The following CDHR2 variants were observed in gnomAD, a reference collection of about 807,000 sequenced individuals.
The protein encoded by CDHR2 is cadherin related family member 2, also known as cadherin-related family member 2.
Under a neutral mutation model 138.6 loss-of-function variants are expected in CDHR2, and 104 were observed. The observed-to-expected ratio is 0.75, with a 90% CI of 0.64 to 0.88. CDHR2 has a LOEUF of 0.88. Among genes scored for constraint, CDHR2 ranks in the 40% least tolerant of loss-of-function variants. CDHR2 has a pLI of 0.00. For missense variants in CDHR2, 1,624 were observed against 1,727.6 expected, an observed-to-expected ratio of 0.94 and a Z score of 1.06; for synonymous variants, 755 against 742.8, an observed-to-expected ratio of 1.02 and a Z score of -0.27.
intron 1 of CDHR2, among the ~76,000 whole-genome samples, chr5:176,562,318 G>A (rs1432336746): frequency 6.6e-6 from 1 of 151,658 alleles, no homozygotes; most frequent in Non-Finnish European, 1.5e-5. Flanking sequence ...AGTATGGGAT[G>A]GAGAGATGCA....
In CDHR2 at chr5:176,586,952, A is replaced by G. The variant is rs929139942; in HGVS notation, c.2856+110A>G. 23 of 873,544 alleles carry G rather than the reference A, an allele frequency of 2.6e-5. No individual in the cohort carries two copies. In the African/African-American group the frequency reaches 3.2e-4, roughly 12 times the overall value. 54.1% of individuals were successfully genotyped at this position (873,544 alleles called of 1,614,324 possible). On this transcript the variant is annotated intron_variant, in intron 21 of 31. Coordinates refer to ENST00000261944, the MANE Select transcript of CDHR2 (RefSeq NM_017675.6). ...GAAAATATATGGGCTCCAACACATG[A>G]AAAAGAAAACCCCAGAAGGGAAACC...
At chr5:176,564,143 C>T (rs1229944223) in intron 1 of CDHR2, among the ~76,000 whole-genome samples, 2 of 152,168 alleles carry the variant, frequency 1.3e-5, no homozygotes, top group African/African-American at 4.8e-5. Context: ...GGGGGCCCAT[C>T]CTGCTCTCCT....
intron 6 of CDHR2, 86 bp downstream of exon 6, chr5:176,571,388 G>A: frequency 2.1e-6 from 2 of 962,548 alleles, no homozygotes; most frequent in African/African-American, 1.7e-5. Context: ...AGTCAGTGGG[G>A]CATTCAGAGT....
intron 1 of CDHR2, 72 bp from the exon 2 acceptor site, chr5:176,565,266 C>T: frequency 9.0e-7 from 1 of 1,115,882 alleles, no homozygotes; most frequent in East Asian, 2.3e-5. Context: ...CAGGTCAGAC[C>T]CAGGCAGATG....
intron 3 of CDHR2, among the ~76,000 whole-genome samples, chr5:176,568,398 G>A (rs540401810): frequency 1.1e-4 from 17 of 152,364 alleles, no homozygotes; most frequent in African/African-American, 4.1e-4. Context: ...ACGGAAACTC[G>A]GTATTCTGGA....
At chr5:176,554,492 T>TAA (rs1411975229) in intron 1 of CDHR2, among the ~76,000 whole-genome samples, 3 of 152,158 alleles carry the variant, frequency 2.0e-5, no homozygotes, top group African/African-American at 7.2e-5. Context: ...GTTATTATTC[T>TAA]CACAGGGGAG....
At position 176,543,663 on chromosome 5, in the gene CDHR2, G is replaced by C. The variant is rs1757513991; in HGVS notation, c.-16+894G>C. 6.6e-6 allele frequency: 1 copy of C among 152,344 alleles called. No individual in the cohort carries two copies. Among genetic ancestry groups the C allele is most frequent in the South Asian group, 2.1e-4 (1 of 4,828 alleles). The allele number at this position is 152,344 out of a possible 1,614,324, so 9.4% of individuals were successfully genotyped here. On this transcript the variant is annotated intron_variant, in intron 1 of 31. Transcript: ENST00000510636. The surrounding 1 kb of genome is among the most constrained non-coding windows in gnomAD (Gnocchi z 4.0). ...CAATACGACCCCATGGTCGTTCAGA[G>C]AATCTTCGCTTCCCGGAGAGTGTGT...
chr5:176,573,306 G>C (rs1170165273), intron 6 of CDHR2, among the ~76,000 whole-genome samples: 1 of 152,054 alleles, frequency 6.6e-6, no homozygotes, highest in Non-Finnish European at 1.5e-5. Flanking sequence ...TATGTGGTCT[G>C]ATTCATGATT....
chr5:176,594,872 C>T (rs115064619), intron 31 of CDHR2, among the ~76,000 whole-genome samples: 3,567 of 152,084 alleles, frequency 0.023, 146 homozygotes, highest in African/African-American at 0.081. Flanking sequence ...CACAGCATGT[C>T]GCATGGCGAG....
chr5:176,545,708 A>T (rs1456195342), upstream of CDHR2, among the ~76,000 whole-genome samples: 1 of 152,134 alleles, frequency 6.6e-6, no homozygotes, highest in Non-Finnish European at 1.5e-5. Context: ...GGTGGTGGGG[A>T]TTAGGACCCA....
chr5:176,578,389 CG>C lies in CDHR2; in HGVS notation c.1600del (p.Val534SerfsTer5). ...GGGCAGACCTCTTCCAAGTGGATCC[CG>C]TCTCAGGGACGGTGACGGTGAGGAA... ...NGADLFQVDPVSGTVTVRNGE... is the reference protein window; with the variant it reads ...NGADLFQVDPXSGTVTVRNGE... On this transcript the variant is annotated frameshift_variant, in exon 16 of 32. Transcript: ENST00000261944. LOFTEE classifies it high-confidence loss of function. The C allele has an allele frequency of 6.2e-7, 1 of 1,613,556 alleles. No homozygotes were observed. The highest frequency in any genetic ancestry group is 8.5e-7 in the Non-Finnish European group (1 of 1,179,822).
chr5:176,573,207 AGAGGC>A (rs1223792883), intron 6 of CDHR2, among the ~76,000 whole-genome samples: 2 of 151,886 alleles, frequency 1.3e-5, no homozygotes, highest in Non-Finnish European at 2.9e-5. Context: ...GTCAGGTCAG[AGAGGC>A]GAGTGGCAGC....
rs1033139078 is a variant in CDHR2, at chr5:176,575,289, G to T, written c.631G>T (p.Gly211Cys). 1.2e-6 allele frequency: 2 copies of T among 1,614,206 alleles called. No homozygotes were observed. Among genetic ancestry groups the T allele is most frequent in the East Asian group, 4.5e-5 (2 of 44,882 alleles). ...GGCCATCTCCCCGCAGGACTTGGGC[G>T]GCATGTACCACAACACCTTCACCAT... Reference protein sequence around the residue: ...QLELKACDLGGMYHNTFTIQC... With the variant: ...QLELKACDLGCMYHNTFTIQC... The change falls in exon 9 of 32, where the codon GGC becomes TGC. Residue 211 changes from glycine to cysteine, a missense_variant. Physicochemically the swap from Gly to Cys is radical, Grantham distance 159. This residue lies in a region of CDHR2 where 1,061 missense variants were observed against 1,136.6 expected (regional missense o/e 0.93). Coordinates refer to ENST00000261944, the MANE Select transcript of CDHR2 (RefSeq NM_017675.6).
chr5:176,572,390 A>AAAATAAATAAATAAATAAAT (rs10527338), intron 6 of CDHR2, among the ~76,000 whole-genome samples: 3,597 of 148,562 alleles, frequency 0.024, 119 homozygotes, highest in African/African-American at 0.063. Flanking sequence ...CTCCATCTCA[A>AAAATAAATAAATAAATAAAT]AAATAAATAA....
At position 176,568,883 on chromosome 5, in the gene CDHR2, G is replaced by T. The variant is rs1476228469; in HGVS notation, c.264+66G>T. 3 of 1,610,988 alleles carry T rather than the reference G, an allele frequency of 1.9e-6. No individual in the cohort carries two copies. The East Asian group carries it at 6.7e-5, about 36-fold the overall frequency. On this transcript the variant is annotated intron_variant, in intron 4 of 31. Transcript: ENST00000261944. ...GGTGCTGGGAGGGCCCTGGGAGCCC[G>T]CGTCCTGGTGGCGGCACCCCCTGTG...
At chr5:176,588,415 G>GTA (rs1554143919) in intron 21 of CDHR2, among the ~76,000 whole-genome samples, 41,534 of 130,702 alleles carry the variant, frequency 0.32, 5,716 homozygotes, top group Middle Eastern at 0.36. Context: ...GAGAGTGAGG[G>GTA]TGTGAGTGTG....
intron 1 of CDHR2, among the ~76,000 whole-genome samples, chr5:176,552,240 G>A (rs1419569072): frequency 2.6e-5 from 4 of 152,240 alleles, no homozygotes; most frequent in Admixed American, 2.6e-4. Flanking sequence ...AGCCCAGAGT[G>A]GGGGCCACCA....
At position 176,568,995 on chromosome 5, in the gene CDHR2, C is replaced by T. The variant is rs771021588; in HGVS notation, c.300C>T (p.Ser100=). The change falls in exon 5 of 32, where the codon AGC becomes AGT. Residue 100 remains serine, a synonymous_variant. Coordinates refer to ENST00000261944, the MANE Select transcript of CDHR2 (RefSeq NM_017675.6). Reference sequence around the variant, plus strand: ...CATTCAAAGTCACCATCTCCGTGAGCGACCCCTACATCCAGGTGAGTTGGG... The same window carrying T: ...CATTCAAAGTCACCATCTCCGTGAGTGACCCCTACATCCAGGTGAGTTGGG... The part of the protein sequence containing the change: ...LYTFKVTISV[S]DPYIQVQREM... 3.1e-6 allele frequency: 5 copies of T among 1,614,140 alleles called. No individual in the cohort carries two copies. Among genetic ancestry groups the T allele is most frequent in the East Asian group, 2.2e-5 (1 of 44,876 alleles).
intron 21 of CDHR2, among the ~76,000 whole-genome samples, chr5:176,588,139 C>T (rs1005947191): frequency 2.6e-5 from 4 of 152,128 alleles, no homozygotes; most frequent in East Asian, 1.9e-4. Context: ...ACTCCCCGCA[C>T]GGAAATGAGG....
Sources: allele counts gnomAD v4.1 joint callset (sites outside exome capture counted in the v4.1 genomes callset), GRCh38; gene constraint gnomAD v4.1.1; regional missense constraint gnomAD v4.1.1; non-coding constraint Gnocchi (gnomAD v3.1); transcripts MANE v1.5; gene names NCBI Gene and HGNC (gene_info 2026-07-23, HGNC 2026-07-21).